Variants in USP32 observed in about 807,000 individuals in gnomAD.
USP32 encodes the protein ubiquitin specific peptidase 32.
USP32 carries 59 observed loss-of-function variants against 204.8 expected under a neutral mutation model. That is an observed-to-expected ratio of 0.29 (90% CI 0.23 to 0.36). The LOEUF (loss-of-function observed/expected upper bound fraction) is 0.36. USP32 is among the 10% of genes least tolerant of loss of function. USP32 has a pLI of 1.00. For synonymous variants in USP32, 517 were observed against 678.4 expected (o/e 0.76, Z 3.70); for missense variants, 1,160 against 1,946.4 (o/e 0.60, Z 7.60).
chr17:60,323,959 C>A (rs2088171651), intron 2 of USP32, among the ~76,000 whole-genome samples: 1 of 152,160 alleles, frequency 6.6e-6, no homozygotes, highest in Non-Finnish European at 1.5e-5. Flanking sequence ...AAGCAATCAG[C>A]AGTGCAAACT....
intron 5 of USP32, among the ~76,000 whole-genome samples, chr17:60,285,909 G>C (rs144629589): frequency 6.6e-6 from 1 of 152,224 alleles, no homozygotes; most frequent in East Asian, 1.9e-4. Context: ...GGCCAAGGCA[G>C]GTGGATCACC....
intron 2 of USP32, among the ~76,000 whole-genome samples, 162 bp downstream of exon 2, chr17:60,345,319 C>T (rs530274666): frequency 6.6e-6 from 1 of 152,294 alleles, no homozygotes; most frequent in African/African-American, 2.4e-5. Flanking sequence ...CCTCTAAGAA[C>T]ACAGCCACGT....
chr17:60,396,361 GC>G (rs2089901026), upstream of USP32, among the ~76,000 whole-genome samples: 1 of 152,090 alleles, frequency 6.6e-6, no homozygotes, highest in African/African-American at 2.4e-5. Flanking sequence ...ATAGGTGTGA[GC>G]CACCACGCCT....
intron 9 of USP32, among the ~76,000 whole-genome samples, chr17:60,264,122 A>C (rs2086524922): frequency 6.6e-6 from 1 of 152,214 alleles, no homozygotes; most frequent in Non-Finnish European, 1.5e-5. Context: ...AAATAAGTCA[A>C]GGATTTTTTT....
chr17:60,359,993 G>A (rs541013600), intron 1 of USP32, among the ~76,000 whole-genome samples: 7 of 150,782 alleles, frequency 4.6e-5, no homozygotes, highest in Non-Finnish European at 7.4e-5. Context: ...TCAGCCCCCC[G>A]AGTAGCTGGG....
Position 60,378,922 on chromosome 17 carries a change from CTA to C in USP32, c.58+12958_58+12959del, listed in dbSNP as rs985622052. Among the ~76,000 whole-genome samples the C allele has an allele frequency of 2.5e-3, 376 of 149,470 alleles. 4 individuals carry two copies. The highest frequency in any genetic ancestry group is 8.4e-3 in the African/African-American group (344 of 40,880). Reference sequence around the variant, plus strand: ...TAGTTCAAATGGTAAATGGTATGTTCTATATATATATATATTCACAATAAAAA... The same window carrying C: ...TAGTTCAAATGGTAAATGGTATGTTCTATATATATATATTCACAATAAAAA... On this transcript the variant is annotated intron_variant, in intron 1 of 33. Coordinates refer to ENST00000300896, the MANE Select transcript of USP32 (RefSeq NM_032582.4).
chr17:60,312,370 C>T (rs1423793147), intron 2 of USP32, among the ~76,000 whole-genome samples: 1 of 152,148 alleles, frequency 6.6e-6, no homozygotes, highest in Non-Finnish European at 1.5e-5. Flanking sequence ...TTCAAATTTT[C>T]ATTTTATATA....
At position 60,233,788 on chromosome 17, in the gene USP32, A is replaced by G. The variant is rs148491672; in HGVS notation, c.1239+2350T>C. ...TTCCCTGTCTCTTTATTTAGTAAAA[A>G]CACTTTTCTAATTAATATGTATTTT... On this transcript the variant is annotated intron_variant, in intron 12 of 33. Transcript: ENST00000300896. Among the ~76,000 whole-genome samples the G allele has an allele frequency of 2.8e-4, 43 of 152,216 alleles. No homozygotes were observed. In the East Asian group the frequency reaches 5.2e-3, roughly 18 times the overall value.
chr17:60,255,489 G>A (rs968469681), intron 9 of USP32, among the ~76,000 whole-genome samples: 13 of 152,000 alleles, frequency 8.6e-5, no homozygotes, highest in African/African-American at 2.7e-4. Context: ...CAGTAGAAAC[G>A]GGGTTTCACT....
chr17:60,288,113 CAAAAA>C (rs1045323566), intron 5 of USP32, among the ~76,000 whole-genome samples: 1,006 of 29,260 alleles, frequency 0.034, 4 homozygotes, highest in Non-Finnish European at 0.065. Context: ...GACTTCGTCT[CAAAAA>C]AAAAAAAAAA....
chr17:60,301,462 T>C lies in USP32; in HGVS notation c.292+137A>G. The C allele has an allele frequency of 5.6e-6, 3 of 534,994 alleles. 1 individual carries two copies. The highest frequency in any genetic ancestry group is 7.1e-5 in the East Asian group (2 of 28,008). The allele number at this position is 534,994 out of a possible 1,614,324, so 33.1% of individuals were successfully genotyped here. A position where few individuals can be genotyped will look rare whatever the true frequency, so the allele number is the denominator to read the frequency against. On this transcript the variant is annotated intron_variant, in intron 3 of 33. Transcript: ENST00000300896. ...CTCTAATGACTAATTATGTTGCACA[T>C]TTTTTAGGTGTTTATTTACCACTTG...
At chr17:60,394,539 C>G (rs1013866242), upstream of USP32, among the ~76,000 whole-genome samples, 1 of 152,112 alleles carries the variant, frequency 6.6e-6, no homozygotes, top group African/African-American at 2.4e-5. Context: ...TTACAAAATA[C>G]TCAGGAATTA....
intron 11 of USP32, among the ~76,000 whole-genome samples, chr17:60,251,985 G>C (rs556799733): frequency 6.6e-6 from 1 of 151,692 alleles, no homozygotes; most frequent in African/African-American, 2.4e-5. Context: ...TATCACTGTG[G>C]GCATATGTTT....
Position 60,349,628 on chromosome 17 carries a change from A to ATATATATATATATAT in USP32, c.59-4035_59-4021dup, listed in dbSNP as rs1555618286. 7.9e-5 allele frequency among the ~76,000 whole-genome samples: 8 copies of ATATATATATATATAT among 100,800 alleles called. No homozygotes were observed. In the East Asian group the frequency reaches 1.8e-3, roughly 22 times the overall value. 66.1% of individuals were successfully genotyped at this position (100,800 alleles called of 152,430 possible). A position where few individuals can be genotyped will look rare whatever the true frequency, so the allele number is the denominator to read the frequency against. ...ATATATATATATATATATATATTAT[A>ATATATATATATATAT]TATATATATATATATTATATATATA... On this transcript the variant is annotated intron_variant, in intron 1 of 33. Coordinates refer to ENST00000300896, the MANE Select transcript of USP32 (RefSeq NM_032582.4).
At chr17:60,240,493 G>GGAGA (rs60249054) in intron 11 of USP32, among the ~76,000 whole-genome samples, 2,072 of 146,426 alleles carry the variant, frequency 0.014, 44 homozygotes, top group African/African-American at 0.052. Context: ...GAGAAAAAAG[G>GGAGA]GAGAGAGAGA....
At chr17:60,405,893 T>C (rs2089971581) in intron 1 of USP32, among the ~76,000 whole-genome samples, 1 of 152,148 alleles carries the variant, frequency 6.6e-6, no homozygotes, top group Non-Finnish European at 1.5e-5. Context: ...AGAAGCTCAC[T>C]CCTGTAATCC....
intron 2 of USP32, among the ~76,000 whole-genome samples, chr17:60,344,955 C>T (rs941100194): frequency 3.3e-5 from 5 of 152,098 alleles, no homozygotes; most frequent in South Asian, 2.1e-4. Context: ...CGCACAGTGG[C>T]GCCGGTTAAA....
intron 27 of USP32, among the ~76,000 whole-genome samples, chr17:60,194,964 A>G (rs1368219099): frequency 6.6e-6 from 1 of 152,224 alleles, no homozygotes; most frequent in East Asian, 1.9e-4. Context: ...TTTCAAATTT[A>G]TTGACATAAA....
At chr17:60,345,383 G>A (rs781006630) in intron 2 of USP32, 98 bp downstream of exon 2, 1 of 1,500,896 alleles carries the variant, frequency 6.7e-7, no homozygotes, top group South Asian at 1.3e-5. Context: ...ATAACTACAG[G>A]TAAGATTAAA....
Sources: gnomAD v4.1 joint callset for allele counts (sites outside exome capture counted in the v4.1 genomes callset) on GRCh38, gnomAD v4.1.1 for gene constraint, MANE v1.5 for transcripts, NCBI Gene and HGNC (gene_info 2026-07-23, HGNC 2026-07-21) for gene names.